TOM1L2: variants seen among roughly 807,000 people sequenced by gnomAD.
The protein encoded by TOM1L2 is TOM1-like protein 2.
A neutral mutation model predicts 67.9 loss-of-function variants in TOM1L2; 31 were observed. The observed-to-expected ratio is 0.46, with a 90% CI of 0.34 to 0.62. The LOEUF (loss-of-function observed/expected upper bound fraction) is 0.62, where lower values mean the gene tolerates loss of function less well. Among genes scored for constraint, TOM1L2 ranks in the 20% least tolerant of loss-of-function variants. The pLI, the probability that TOM1L2 is intolerant of heterozygous loss-of-function variation, is 0.01. For synonymous variants in TOM1L2, 256 were observed against 254.0 expected, an observed-to-expected ratio of 1.01 and a Z score of -0.07; for missense variants, 606 against 663.5, an observed-to-expected ratio of 0.91 and a Z score of 0.95.
chr17:17,884,837 G>C, intron 4 of TOM1L2, 69 bp from the exon 5 acceptor site: 1 of 1,597,814 alleles, frequency 6.3e-7, no homozygotes, highest in African/African-American at 1.3e-5. Flanking sequence ...ATCCAAAGTG[G>C]CCCACGTCCT....
intron 1 of TOM1L2, among the ~76,000 whole-genome samples, chr17:17,927,646 A>G (rs991328477): frequency 4.6e-5 from 7 of 151,998 alleles, no homozygotes; most frequent in Non-Finnish European, 1.0e-4. Flanking sequence ...AGATATGATA[A>G]TAAGCTGTTG....
intron 14 of TOM1L2, among the ~76,000 whole-genome samples, chr17:17,848,197 AG>A (rs1241313650): frequency 3.9e-5 from 6 of 151,992 alleles, no homozygotes; most frequent in Non-Finnish European, 8.8e-5. Flanking sequence ...TGCAGTGGGG[AG>A]GGGGGAGTGC....
intron 7 of TOM1L2, among the ~76,000 whole-genome samples, chr17:17,875,022 C>T (rs753599438): frequency 2.6e-5 from 4 of 151,982 alleles, no homozygotes; most frequent in Non-Finnish European, 4.4e-5. Flanking sequence ...TTTGAGAGGC[C>T]GAGGTTGGTG....
chr17:17,894,290 C>A (rs892369089), intron 3 of TOM1L2, among the ~76,000 whole-genome samples: 1 of 152,206 alleles, frequency 6.6e-6, no homozygotes, highest in Admixed American at 6.5e-5. Context: ...ACACATCCCC[C>A]ACTCAACCCT....
At chr17:17,914,432 CCT>C (rs1390725040) in intron 1 of TOM1L2, among the ~76,000 whole-genome samples, 2 of 152,202 alleles carry the variant, frequency 1.3e-5, no homozygotes, top group Non-Finnish European at 2.9e-5. Context: ...CTCTGATTTC[CCT>C]GTTAGGCCCA....
chr17:17,914,551 G>A (rs897769582), intron 1 of TOM1L2, among the ~76,000 whole-genome samples: 5 of 152,178 alleles, frequency 3.3e-5, no homozygotes, highest in Admixed American at 1.3e-4. Context: ...CTTAACCATT[G>A]CTGACATGCA....
At chr17:17,869,645 CCCT>C in intron 7 of TOM1L2, 172 bp from the exon 8 acceptor site, 1 of 1,392,100 alleles carries the variant, frequency 7.2e-7, no homozygotes, top group Non-Finnish European at 9.3e-7. Context: ...CACTGCCTGC[CCCT>C]CCTTCCGCAG....
chr17:17,849,768 A>T (rs1449843180), intron 13 of TOM1L2, among the ~76,000 whole-genome samples: 1 of 152,042 alleles, frequency 6.6e-6, no homozygotes, highest in Non-Finnish European at 1.5e-5. Context: ...CCCTGTCTGG[A>T]CCCTGGGGTC....
At chr17:17,927,971 G>A (rs73301854) in intron 1 of TOM1L2, among the ~76,000 whole-genome samples, 5,986 of 152,158 alleles carry the variant, frequency 0.039, 414 homozygotes, top group African/African-American at 0.14. Context: ...GCATACTTAG[G>A]TATTCATAGA....
At chr17:17,914,824 T>C (rs569798236) in intron 1 of TOM1L2, among the ~76,000 whole-genome samples, 8 of 152,290 alleles carry the variant, frequency 5.3e-5, no homozygotes, top group African/African-American at 1.7e-4. Context: ...TTTGAGTCTT[T>C]GAGTGCCAAG....
At chr17:17,855,070 G>A (rs2036190744) in intron 12 of TOM1L2, among the ~76,000 whole-genome samples, 1 of 152,204 alleles carries the variant, frequency 6.6e-6, no homozygotes, top group African/African-American at 2.4e-5. Flanking sequence ...GGTTAGACCA[G>A]CCCTGCCCAT....
intron 1 of TOM1L2, among the ~76,000 whole-genome samples, chr17:17,945,229 T>C (rs1164689153): frequency 6.6e-6 from 1 of 151,774 alleles, no homozygotes; most frequent in African/African-American, 2.4e-5. Context: ...GGTTAAAAAT[T>C]AGGTGGAAAG....
chr17:17,945,290 ACTCTCTCT>A (rs945614441), intron 1 of TOM1L2, among the ~76,000 whole-genome samples: 4 of 146,396 alleles, frequency 2.7e-5, no homozygotes, highest in African/African-American at 2.6e-5. Context: ...ACACACACAC[ACTCTCTCT>A]CTCTCTCTCT....
chr17:17,884,785 C>T lies in TOM1L2; in HGVS notation c.367-17G>A, dbSNP rs756196956. 6.2e-7 allele frequency: 1 copy of T among 1,612,744 alleles called. No individual in the cohort carries two copies. The highest frequency in any genetic ancestry group is 2.2e-5 in the East Asian group (1 of 44,868). On this transcript the variant is annotated splice_polypyrimidine_tract_variant and intron_variant, in intron 4 of 14. Coordinates refer to ENST00000379504, the MANE Select transcript of TOM1L2 (RefSeq NM_001082968.2). ...AGCCCATGCCTGGGATAATAGAAGG[C>T]CTGTTAGGAAGCATTTCTCAGAGCT...
chr17:17,968,874 C>T (rs1298882922), intron 1 of TOM1L2, among the ~76,000 whole-genome samples: 2 of 152,032 alleles, frequency 1.3e-5, no homozygotes, highest in African/African-American at 2.4e-5. Flanking sequence ...GAGTTCCTAC[C>T]CATCCTTTAT....
rs1297928954 is a variant in TOM1L2, at chr17:17,869,470, G to T, written c.781C>A (p.Leu261Ile). Residue 261 changes from leucine (L) to isoleucine (I), a missense_variant, in exon 8 of 15, where the codon CTC (leucine) becomes ATC (isoleucine). Coordinates refer to ENST00000379504, the MANE Select transcript of TOM1L2 (RefSeq NM_001082968.2). Reference protein sequence around the residue: ...DSSDLELLQELNRTCRAMQQR... With the variant: ...DSSDLELLQEINRTCRAMQQR... ...TGCATGGCCCGACAGGTCCTGTTGA[G>T]CTCCTAGGGAACACATGCACCTCTG... The T allele has an allele frequency of 6.2e-7, 1 of 1,604,974 alleles. No individual in the cohort carries two copies. Among genetic ancestry groups the T allele is most frequent in the South Asian group, 1.1e-5 (1 of 90,204 alleles).
At chr17:17,857,551 T>C (rs1161197035) in intron 12 of TOM1L2, among the ~76,000 whole-genome samples, 1 of 152,196 alleles carries the variant, frequency 6.6e-6, no homozygotes, top group Non-Finnish European at 1.5e-5. Flanking sequence ...TCTTAAGGCC[T>C]GGGGACAGGG....
intron 1 of TOM1L2, among the ~76,000 whole-genome samples, chr17:17,921,457 A>G (rs2039864997): frequency 6.6e-6 from 1 of 152,158 alleles, no homozygotes; most frequent in African/African-American, 2.4e-5. Flanking sequence ...TTTGTACTTA[A>G]TGGAATAACT....
At chr17:17,855,015 G>T (rs2036189143) in intron 12 of TOM1L2, among the ~76,000 whole-genome samples, 1 of 152,234 alleles carries the variant, frequency 6.6e-6, no homozygotes, top group Non-Finnish European at 1.5e-5. Context: ...CTGAAGCTCA[G>T]CCCCTCTGAA....
Sources: allele counts gnomAD v4.1 joint callset (sites outside exome capture counted in the v4.1 genomes callset), GRCh38; gene constraint gnomAD v4.1.1; transcripts MANE v1.5; gene names NCBI Gene and HGNC (gene_info 2026-07-23, HGNC 2026-07-21).